Variants in EPG5 observed in about 807,000 individuals in gnomAD.
EPG5 encodes the protein ectopic P granules protein 5 homolog.
Under a neutral mutation model 302.7 loss-of-function variants are expected in EPG5, and 159 were observed. The observed-to-expected ratio is 0.53, with a 90% CI of 0.46 to 0.60. The LOEUF is 0.60. Among genes scored for constraint, EPG5 ranks in the 20% least tolerant of loss-of-function variants. The pLI is 0.00. For synonymous variants in EPG5, 1,158 were observed against 1,136.8 expected, an observed-to-expected ratio of 1.02 and a Z score of -0.37; for missense variants, 2,896 against 3,092.4, an observed-to-expected ratio of 0.94 and a Z score of 1.51.
At position 45,848,254 on chromosome 18, in the gene EPG5, C is replaced by T. The variant is rs2048382739; in HGVS notation, c.*4213G>A. ...ATTTTGCTTAATAAGACAAAGTTAA[C>T]TGATCAGAAAAATGATCAGCTACTA... On this transcript the variant is annotated 3_prime_UTR_variant, in exon 44 of 44. Coordinates refer to ENST00000282041, the MANE Select transcript of EPG5 (RefSeq NM_020964.3). 1 of 152,170 alleles carries T rather than the reference C, an allele frequency of 6.6e-6. No individual in the cohort carries two copies. The highest frequency in any genetic ancestry group is 2.1e-4 in the South Asian group (1 of 4,832). 9.4% of individuals were successfully genotyped at this position (152,170 alleles called of 1,614,324 possible).
At chr18:45,912,574 T>C in intron 21 of EPG5, 118 bp from the exon 22 acceptor site, 1 of 1,068,108 alleles carries the variant, frequency 9.4e-7, no homozygotes, top group Non-Finnish European at 1.3e-6. Flanking sequence ...AATAATATAT[T>C]TTTTAAAAGT....
intron 31 of EPG5, among the ~76,000 whole-genome samples, chr18:45,880,677 A>G (rs1435838841): frequency 4.5e-4 from 68 of 152,258 alleles, no homozygotes; most frequent in Admixed American, 4.3e-3. Flanking sequence ...CCCCGAAACC[A>G]AGACCCAGAG....
rs771289617 is a variant in EPG5, at chr18:45,882,460, T to A, written c.5332A>T (p.Thr1778Ser). Residue 1778 changes from threonine to serine, a missense_variant, in exon 31 of 44, where the codon ACT (threonine) becomes TCT (serine). Coordinates refer to ENST00000282041, the MANE Select transcript of EPG5 (RefSeq NM_020964.3). ...GTACGATCAGACAGAGGAGGTTTAG[T>A]GGCGCTTAACCATTGTTTAAGATCG... ...KFDLKQWLSATKPPLSDRTRL... is the reference protein window; with the variant it reads ...KFDLKQWLSASKPPLSDRTRL... The A allele has an allele frequency of 1.2e-6, 2 of 1,614,122 alleles. No individual in the cohort carries two copies. The highest frequency in any genetic ancestry group is 2.2e-5 in the South Asian group (2 of 91,076).
At chr18:45,832,018 C>T in the EPG5 span, among the ~76,000 whole-genome samples, 1 of 152,212 alleles carries the variant, frequency 6.6e-6, no homozygotes, top group African/African-American at 2.4e-5. Context: ...AGGCGTGAGC[C>T]GCCACGCCCG....
At chr18:45,805,601 A>T in the EPG5 span, among the ~76,000 whole-genome samples, 1 of 152,282 alleles carries the variant, frequency 6.6e-6, no homozygotes, top group East Asian at 1.9e-4. Flanking sequence ...AATGGCTTAA[A>T]AACAAAAGTA....
intron 30 of EPG5, among the ~76,000 whole-genome samples, chr18:45,883,461 C>CTTT (rs61461493): frequency 0.021 from 2,786 of 132,500 alleles, 86 homozygotes; most frequent in Non-Finnish European, 0.033. Context: ...TCAAGGTTGT[C>CTTT]TTTTTTTTTT....
chr18:45,821,134 G>A, the EPG5 span, among the ~76,000 whole-genome samples: 2 of 152,186 alleles, frequency 1.3e-5, no homozygotes, highest in Non-Finnish European at 2.9e-5. Context: ...AAAGTAAAAA[G>A]CATCAAGGAA....
chr18:45,913,862 A>C, intron 20 of EPG5, 34 bp from the exon 21 acceptor site: 1 of 1,608,700 alleles, frequency 6.2e-7, no homozygotes. Flanking sequence ...GAGGGGAAGG[A>C]GGAGCTCGCC....
In EPG5 at chr18:45,922,558, C is replaced by G; in HGVS notation, c.2881G>C (p.Glu961Gln). 4 of 1,614,188 alleles carry G rather than the reference C, an allele frequency of 2.5e-6. No homozygotes were observed. Among genetic ancestry groups the G allele is most frequent in the Non-Finnish European group, 3.4e-6 (4 of 1,180,032 alleles). The change falls in exon 16 of 44, where the codon GAG (glutamate) becomes CAG (glutamine). Residue 961 changes from glutamate (E) to glutamine (Q), a missense_variant. By Grantham distance (29) the Glu-to-Gln change is conservative (BLOSUM62 2). Transcript: ENST00000282041. ...CAGGCCCATTGGTTAAATGAGGTCT[C>G]GGGTGTCTCTCCATATCGAACAATA... The part of the protein sequence containing the change: ...ASIVRYGETP[E>Q]TSFNQWAWNL...
At chr18:45,923,430 T>C (rs1599580774) in intron 14 of EPG5, 43 bp from the exon 15 acceptor site, 9 of 1,593,070 alleles carry the variant, frequency 5.6e-6, no homozygotes, top group African/African-American at 1.4e-5. Flanking sequence ...ACCTTGGTTT[T>C]GTTTTGTTTT....
chr18:45,955,040 T>C lies in EPG5; in HGVS notation c.362A>G (p.Lys121Arg). 1 of 1,614,212 alleles carries C rather than the reference T, an allele frequency of 6.2e-7. No homozygotes were observed. The highest frequency in any genetic ancestry group is 2.2e-5 in the East Asian group (1 of 44,892). Reference protein sequence around the residue: ...PCVGDSAVTPKVHPGDNVGTK... With the variant: ...PCVGDSAVTPRVHPGDNVGTK... ...TCCAACATTGTCTCCAGGGTGGACC[T>C]TTGGAGTGACTGCACTGTCCCCCAC... Residue 121 changes from lysine (K) to arginine (R), a missense_variant, in exon 2 of 44, where the codon AAG becomes AGG. Lys to Arg is a conservative substitution (Grantham distance 26). Coordinates refer to ENST00000282041, the MANE Select transcript of EPG5 (RefSeq NM_020964.3).
chr18:45,864,332 C>T (rs514613), intron 39 of EPG5, among the ~76,000 whole-genome samples: 8,932 of 152,152 alleles, frequency 0.059, 505 homozygotes, highest in African/African-American at 0.15. Context: ...ATTTTCTCTT[C>T]GGATGGGTTT....
At chr18:45,844,622 T>A (rs1232021920), downstream of EPG5, among the ~76,000 whole-genome samples, 2 of 152,174 alleles carry the variant, frequency 1.3e-5, no homozygotes, top group Non-Finnish European at 2.9e-5. Context: ...CTTCACAAGA[T>A]CTTCACAAGT....
rs2050986549 is a variant in EPG5, at chr18:45,954,712, C to T, written c.690G>A (p.Leu230=). 3 of 1,614,050 alleles carry T rather than the reference C, an allele frequency of 1.9e-6. No homozygotes were observed. Among genetic ancestry groups the T allele is most frequent in the Non-Finnish European group, 2.5e-6 (3 of 1,180,038 alleles). ...PAEIAGEAPA[L]VAVKPLLRSE... Reference sequence around the variant, plus strand: ...TGCGAAGCAAGGGTTTCACTGCCACCAAAGCTGGTGCTTCTCCAGCAATTT... The same window carrying T: ...TGCGAAGCAAGGGTTTCACTGCCACTAAAGCTGGTGCTTCTCCAGCAATTT... The change falls in exon 2 of 44, where the codon TTG becomes TTA. Residue 230 remains leucine (L), a synonymous_variant. Transcript: ENST00000282041.
chr18:45,824,356 A>G, the EPG5 span, among the ~76,000 whole-genome samples: 4 of 151,992 alleles, frequency 2.6e-5, no homozygotes, highest in Non-Finnish European at 4.4e-5. Flanking sequence ...ACAGGCACCC[A>G]CCACCACACC....
chr18:45,930,881 C>G (rs765873000), intron 11 of EPG5, 51 bp from the exon 12 acceptor site: 1 of 1,443,024 alleles, frequency 6.9e-7, no homozygotes, highest in Non-Finnish European at 9.4e-7. Context: ...AAATTTATAT[C>G]TTTTAATCAC....
At chr18:45,812,590 A>T in the EPG5 span, among the ~76,000 whole-genome samples, 12 of 152,194 alleles carry the variant, frequency 7.9e-5, no homozygotes, top group Non-Finnish European at 1.3e-4. Context: ...AATGGAACAG[A>T]ACAGGGCCCT....
chr18:45,837,496 GCCCGC>G, the EPG5 span: 1 of 1,468,318 alleles, frequency 6.8e-7, no homozygotes, highest in Non-Finnish European at 8.9e-7. Context: ...GCCTGACGCA[GCCCGC>G]CCCGCCCTCA....
rs1306782471 is a variant in EPG5 at position 45,857,058 on chromosome 18, ACAGGTG to A, written c.7442+789_7442+794del. On this transcript the variant is annotated intron_variant, in intron 42 of 43. Transcript: ENST00000282041. ...CTCAGCCTCCTGAGTAGCTGGGACT[ACAGGTG>A]CTTGCCACCACACCCAGCTAATTTT... 5.9e-5 allele frequency among the ~76,000 whole-genome samples: 9 copies of A among 151,994 alleles called. No homozygotes were observed. In the East Asian group the frequency reaches 1.7e-3, roughly 29 times the overall value.
Sources: gnomAD v4.1 joint callset for allele counts (sites outside exome capture counted in the v4.1 genomes callset) on GRCh38, gnomAD v4.1.1 for gene constraint, MANE v1.5 for transcripts, NCBI Gene and HGNC (gene_info 2026-07-23, HGNC 2026-07-21) for gene names.